Variants in NCKAP5 observed in about 807,000 individuals in gnomAD.
NCKAP5 encodes NCK associated protein 5.
A neutral mutation model predicts 167.0 loss-of-function variants in NCKAP5; 92 were observed. The observed-to-expected ratio is 0.55, with a 90% CI of 0.47 to 0.66. The LOEUF is 0.66. Ranked by LOEUF, NCKAP5 falls within the 30% of genes least tolerant of loss-of-function variation. NCKAP5 has a pLI of 0.00. For synonymous variants in NCKAP5, 891 were observed against 877.4 expected (o/e 1.02, Z -0.27); for missense variants, 2,378 against 2,315.0 (o/e 1.03, Z -0.56).
At chr2:132,926,856 G>A (rs371293727) in intron 8 of NCKAP5, among the ~76,000 whole-genome samples, 18 of 151,966 alleles carry the variant, frequency 1.2e-4, no homozygotes, top group African/African-American at 3.9e-4. Context: ...CCTTTGCTGT[G>A]GAGAAGCTGT....
At chr2:132,775,207 A>G (rs969520212) in intron 15 of NCKAP5, among the ~76,000 whole-genome samples, 13 of 152,226 alleles carry the variant, frequency 8.5e-5, no homozygotes, top group East Asian at 5.8e-4. Context: ...TATACTGTCA[A>G]TGTGAAAGTC....
chr2:132,858,160 A>T (rs1461581420), intron 11 of NCKAP5, among the ~76,000 whole-genome samples: 1 of 152,162 alleles, frequency 6.6e-6, no homozygotes, highest in African/African-American at 2.4e-5. Flanking sequence ...TGCTATAATG[A>T]ATCCAAAGAC....
chr2:132,998,858 TTTTG>T (rs1054835638), intron 6 of NCKAP5, among the ~76,000 whole-genome samples: 1 of 152,158 alleles, frequency 6.6e-6, no homozygotes, highest in African/African-American at 2.4e-5. Flanking sequence ...GTTTTGTGTG[TTTTG>T]TTTGTTTGTT....
the NCKAP5 span, among the ~76,000 whole-genome samples, chr2:133,641,514 A>G: frequency 0.095 from 14,514 of 152,312 alleles, 793 homozygotes; most frequent in African/African-American, 0.12. Context: ...TTTCTGGAGC[A>G]GCCCAGAGTC....
intron 19 of NCKAP5, among the ~76,000 whole-genome samples, chr2:132,721,337 T>G (rs1364234239): frequency 8.4e-6 from 1 of 119,326 alleles, no homozygotes; most frequent in African/African-American, 3.7e-5. Flanking sequence ...AAAAAGAAAT[T>G]TCAGGGAACC....
chr2:133,540,951 A>G (rs1686180256), intron 2 of NCKAP5, among the ~76,000 whole-genome samples: 1 of 148,950 alleles, frequency 6.7e-6, no homozygotes, highest in Non-Finnish European at 1.5e-5. Context: ...AAAAAAAAAA[A>G]GAAAGAAAAA....
At chr2:133,131,951 G>A (rs776825068) in intron 5 of NCKAP5, among the ~76,000 whole-genome samples, 11 of 145,232 alleles carry the variant, frequency 7.6e-5, no homozygotes, top group South Asian at 2.2e-4. Flanking sequence ...ATAGTGCTTC[G>A]ATTCCAGAAA....
chr2:133,263,575 T>C lies in NCKAP5; in HGVS notation c.143+39462A>G, dbSNP rs983310211. On this transcript the variant is annotated intron_variant, in intron 4 of 19. Coordinates refer to ENST00000409261, the MANE Select transcript of NCKAP5 (RefSeq NM_207363.3). ...CAAACCAAAATTTATGACTATCAGC[T>C]AGCATTATAAAAACCATTTCTGGAG... 3.9e-5 allele frequency among the ~76,000 whole-genome samples: 6 copies of C among 152,232 alleles called. No individual in the cohort carries two copies. In the East Asian group the frequency reaches 7.8e-4, roughly 20 times the overall value.
intron 6 of NCKAP5, among the ~76,000 whole-genome samples, chr2:133,030,888 T>G (rs1007139091): frequency 9.2e-5 from 14 of 152,290 alleles, no homozygotes; most frequent in Middle Eastern, 3.4e-3. Context: ...TGGTGGCTGC[T>G]GCCTTCCTTG....
chr2:133,571,886 A>T (rs1688879980), upstream of NCKAP5, among the ~76,000 whole-genome samples: 1 of 152,050 alleles, frequency 6.6e-6, no homozygotes, highest in Non-Finnish European at 1.5e-5. Context: ...ATTTACCCTT[A>T]AAAAAGCCCA....
At chr2:133,026,917 G>T (rs909434488) in intron 6 of NCKAP5, among the ~76,000 whole-genome samples, 2 of 152,172 alleles carry the variant, frequency 1.3e-5, no homozygotes, top group African/African-American at 4.8e-5. Context: ...CTCAATGCTA[G>T]CCTGTCTCTT....
chr2:132,834,779 C>T (rs546962218), intron 11 of NCKAP5, among the ~76,000 whole-genome samples: 1 of 152,294 alleles, frequency 6.6e-6, no homozygotes, highest in African/African-American at 2.4e-5. Context: ...ATGTGAACTA[C>T]CACACCCGGT....
intron 3 of NCKAP5, among the ~76,000 whole-genome samples, chr2:133,468,994 C>A (rs1273251881): frequency 2.0e-5 from 3 of 152,086 alleles, no homozygotes; most frequent in Middle Eastern, 3.4e-3. Flanking sequence ...TTAATTGGAG[C>A]ATTTAGTCCA....
intron 7 of NCKAP5, among the ~76,000 whole-genome samples, chr2:132,987,418 G>A (rs2077320371): frequency 6.6e-6 from 1 of 152,138 alleles, no homozygotes. Flanking sequence ...TTTCATGATT[G>A]ATAAACTTAG....
intron 8 of NCKAP5, among the ~76,000 whole-genome samples, chr2:132,923,966 C>T (rs890144265): frequency 1.1e-4 from 16 of 152,118 alleles, no homozygotes; most frequent in Admixed American, 6.5e-5. Flanking sequence ...CCCAGTTAGC[C>T]TGAGTGAGAA....
intron 1 of NCKAP5, among the ~76,000 whole-genome samples, chr2:133,565,715 T>A (rs1688498702): frequency 6.6e-6 from 1 of 152,234 alleles, no homozygotes; most frequent in Non-Finnish European, 1.5e-5. Flanking sequence ...CCCGTCTTCA[T>A]GGTCAGAAGT....
intron 11 of NCKAP5, among the ~76,000 whole-genome samples, chr2:132,821,298 C>A (rs1039179768): frequency 2.6e-5 from 4 of 152,144 alleles, no homozygotes; most frequent in South Asian, 2.1e-4. Context: ...AAGGATTTAA[C>A]CTTACCTAGG....
intron 6 of NCKAP5, among the ~76,000 whole-genome samples, chr2:133,001,211 C>A (rs1356666307): frequency 6.7e-6 from 1 of 148,682 alleles, no homozygotes; most frequent in Admixed American, 6.7e-5. Flanking sequence ...ATGCCTTTGA[C>A]TTACTTTTTT....
At chr2:133,479,791 C>A (rs567742636) in intron 3 of NCKAP5, among the ~76,000 whole-genome samples, 3 of 151,872 alleles carry the variant, frequency 2.0e-5, no homozygotes, top group African/African-American at 7.3e-5. Flanking sequence ...ACAGAATAAT[C>A]GAAATTTATG....
Sources: allele counts gnomAD v4.1 joint callset (sites outside exome capture counted in the v4.1 genomes callset), GRCh38; gene constraint gnomAD v4.1.1; transcripts MANE v1.5; gene names NCBI Gene and HGNC (gene_info 2026-07-23, HGNC 2026-07-21).